GABRA5: variants seen among roughly 807,000 people sequenced by gnomAD.
GABRA5 encodes gamma-aminobutyric acid type A receptor subunit alpha5, also known as gamma-aminobutyric acid receptor subunit alpha-5.
In GABRA5, 18 loss-of-function variants were observed where a neutral mutation model predicts 47.3. The observed-to-expected ratio is 0.38, with a 90% CI of 0.26 to 0.56. GABRA5 has a LOEUF of 0.56. Ranked by LOEUF, GABRA5 falls within the 20% of genes least tolerant of loss-of-function variation. The probability of loss-of-function intolerance (pLI) is 0.71; values close to 1 mark genes in which losing one functional copy is unlikely to be tolerated. For synonymous variants in GABRA5, 237 were observed against 229.3 expected, an observed-to-expected ratio of 1.03 and a Z score of -0.30; for missense variants, 365 against 599.3, an observed-to-expected ratio of 0.61 and a Z score of 4.08.
intron 6 of GABRA5, among the ~76,000 whole-genome samples, chr15:26,900,567 G>A (rs1893303666): frequency 6.6e-6 from 1 of 151,936 alleles, no homozygotes; most frequent in Non-Finnish European, 1.5e-5. Context: ...AGCAGTTTTA[G>A]GTTTACAGAC....
At chr15:26,921,966 A>G (rs1025769650) in intron 7 of GABRA5, among the ~76,000 whole-genome samples, 2 of 152,146 alleles carry the variant, frequency 1.3e-5, no homozygotes, top group African/African-American at 4.8e-5. Flanking sequence ...CCCTCTGTAT[A>G]ATTACAATTC....
At chr15:26,935,721 C>T (rs1206876251) in intron 7 of GABRA5, among the ~76,000 whole-genome samples, 1 of 152,232 alleles carries the variant, frequency 6.6e-6, no homozygotes, top group African/African-American at 2.4e-5. Flanking sequence ...CAGGAGGCCT[C>T]TCCACCCTCA....
intron 9 of GABRA5, among the ~76,000 whole-genome samples, chr15:26,940,443 A>T (rs1220643464): frequency 1.3e-5 from 2 of 152,200 alleles, no homozygotes; most frequent in East Asian, 1.9e-4. Context: ...GATTTTTTTT[A>T]AATTTTGGAA....
At chr15:26,933,114 AAG>A (rs1203222025) in intron 7 of GABRA5, among the ~76,000 whole-genome samples, 1 of 151,846 alleles carries the variant, frequency 6.6e-6, no homozygotes, top group Non-Finnish European at 1.5e-5. Context: ...AAAAAAAAAA[AAG>A]TAGCAGGCAG....
chr15:26,912,183 T>C (rs953238730), intron 6 of GABRA5, among the ~76,000 whole-genome samples: 12 of 152,340 alleles, frequency 7.9e-5, no homozygotes, highest in Admixed American at 7.2e-4. Flanking sequence ...TGCTGTTTCC[T>C]CGTGTGCTCA....
intron 6 of GABRA5, among the ~76,000 whole-genome samples, chr15:26,888,568 A>C (rs1428847183): frequency 6.6e-6 from 1 of 152,078 alleles, no homozygotes; most frequent in Non-Finnish European, 1.5e-5. Flanking sequence ...GGGGAGATAG[A>C]GCCTTTGGTT....
intron 7 of GABRA5, among the ~76,000 whole-genome samples, chr15:26,931,151 G>A (rs1048643095): frequency 4.6e-5 from 7 of 151,682 alleles, no homozygotes; most frequent in Admixed American, 1.3e-4. Flanking sequence ...CACCTGTCTC[G>A]GCCTCCCAAA....
chr15:26,906,805 A>T (rs185656249), intron 6 of GABRA5, among the ~76,000 whole-genome samples: 2 of 152,350 alleles, frequency 1.3e-5, no homozygotes, highest in East Asian at 3.9e-4. Context: ...AAATAATTCC[A>T]TTTCACGTCA....
At chr15:26,919,576 G>A (rs894621216) in intron 7 of GABRA5, among the ~76,000 whole-genome samples, 5 of 151,850 alleles carry the variant, frequency 3.3e-5, no homozygotes, top group African/African-American at 1.2e-4. Context: ...AACATTTTTA[G>A]TTGTAATTAT....
At position 26,930,006 on chromosome 15, in the gene GABRA5, C is replaced by CTTTTTTTTTTTTTTTTTTTT. The variant is rs72082419; in HGVS notation, c.581-7163_581-7162insTTTTTTTTTTTTTTTTTTTT. 7.9e-5 allele frequency among the ~76,000 whole-genome samples: 9 copies of CTTTTTTTTTTTTTTTTTTTT among 113,386 alleles called. No homozygotes were observed. The East Asian group carries it at 1.5e-3, about 19-fold the overall frequency. The allele number at this position is 113,386 out of a possible 152,430, so 74.4% of individuals were successfully genotyped here. ...CTTTCTTCTTCTTCTTCTTCTTCTTCTTTTTTTTTTTTTTTTGTTTTTTGT... is the reference window on the plus strand; with the variant it reads ...CTTTCTTCTTCTTCTTCTTCTTCTTCTTTTTTTTTTTTTTTTTTTTTTTTTTTTTTTTTTTTGTTTTTTGT... On this transcript the variant is annotated intron_variant, in intron 7 of 10. Transcript: ENST00000335625.
intron 3 of GABRA5, among the ~76,000 whole-genome samples, chr15:26,876,929 G>A (rs968476019): frequency 6.6e-6 from 1 of 152,162 alleles, no homozygotes. Flanking sequence ...TAGGAAGGAG[G>A]GCAGGGTGGG....
At chr15:26,940,127 TA>T in intron 9 of GABRA5, 50 bp downstream of exon 9, 1 of 1,534,876 alleles carries the variant, frequency 6.5e-7, no homozygotes, top group Non-Finnish European at 8.9e-7. Context: ...TGACTGACCC[TA>T]ACCACCCGGA....
In GABRA5 at chr15:26,883,785, T is replaced by C. The variant is rs1892804524; in HGVS notation, c.497+228T>C. On this transcript the variant is annotated intron_variant, in intron 6 of 10. Transcript: ENST00000335625. The surrounding 1 kb of genome is among the most constrained non-coding windows in gnomAD (Gnocchi z 4.8). ...GCCGTTTGTCATTTGGACTCGTTTA[T>C]TCGGTTCAAGCTCAAGAGCATCTTT... Among the ~76,000 whole-genome samples the C allele has an allele frequency of 6.6e-6, 1 of 152,222 alleles. No homozygotes were observed. Among genetic ancestry groups the C allele is most frequent in the Non-Finnish European group, 1.5e-5 (1 of 68,028 alleles).
chr15:26,878,503 A>AAAAC (rs919230904), intron 3 of GABRA5, among the ~76,000 whole-genome samples: 1 of 152,176 alleles, frequency 6.6e-6, no homozygotes, highest in Non-Finnish European at 1.5e-5. Context: ...ATGAAAAAAC[A>AAAAC]AAACAAACAA....
At chr15:26,881,996 C>T (rs893463136) in intron 4 of GABRA5, among the ~76,000 whole-genome samples, 9 of 152,112 alleles carry the variant, frequency 5.9e-5, no homozygotes, top group South Asian at 4.1e-4. Context: ...CACAGTGCCC[C>T]GCCTAGTATT....
intron 6 of GABRA5, among the ~76,000 whole-genome samples, chr15:26,911,388 C>CACACACACACAAACACACACAA (rs879417314): frequency 0.031 from 4,476 of 146,570 alleles, 101 homozygotes; most frequent in East Asian, 0.052. Context: ...CACACACACA[C>CACACACACACAAACACACACAA]ACACACACAA....
intron 3 of GABRA5, among the ~76,000 whole-genome samples, chr15:26,870,295 C>T (rs1290201858): frequency 6.6e-6 from 1 of 152,194 alleles, no homozygotes; most frequent in Non-Finnish European, 1.5e-5. Context: ...TTCTGTCTGT[C>T]CTCTGTACAT....
chr15:26,914,950 A>G (rs1211751736), intron 7 of GABRA5, 65 bp downstream of exon 7: 5 of 1,296,860 alleles, frequency 3.9e-6, no homozygotes, highest in South Asian at 3.6e-5. Flanking sequence ...ACATTTATTC[A>G]GAAGAATTTA....
At chr15:26,916,206 G>A (rs1017958566) in intron 7 of GABRA5, among the ~76,000 whole-genome samples, 18 of 151,956 alleles carry the variant, frequency 1.2e-4, no homozygotes, top group Non-Finnish European at 4.4e-5. Flanking sequence ...TCCTTACTGT[G>A]ACAATTAGAA....
Sources: allele counts gnomAD v4.1 joint callset (sites outside exome capture counted in the v4.1 genomes callset), GRCh38; gene constraint gnomAD v4.1.1; non-coding constraint Gnocchi (gnomAD v3.1); transcripts MANE v1.5; gene names NCBI Gene and HGNC (gene_info 2026-07-23, HGNC 2026-07-21).